Variants in RORA observed in about 807,000 individuals in gnomAD.
RORA encodes nuclear receptor ROR-alpha.
RORA carries 7 observed loss-of-function variants against 69.5 expected under a neutral mutation model. The observed-to-expected ratio is 0.10, with a 90% confidence interval of 0.06 to 0.19. The LOEUF (loss-of-function observed/expected upper bound fraction) is 0.19. Ranked by LOEUF, RORA falls within the 10% of genes least tolerant of loss-of-function variation. RORA has a pLI of 1.00. For missense variants in RORA, 457 were observed against 663.0 expected, an observed-to-expected ratio of 0.69 and a Z score of 3.41; for synonymous variants, 261 against 240.8, an observed-to-expected ratio of 1.08 and a Z score of -0.78.
At chr15:61,013,585 G>C (rs550069492) in intron 1 of RORA, among the ~76,000 whole-genome samples, 1 of 152,176 alleles carries the variant, frequency 6.6e-6, no homozygotes, top group Admixed American at 6.5e-5. Flanking sequence ...CAAACACCTT[G>C]AGCCTGTTAC....
chr15:60,697,387 C>T (rs575417671), intron 1 of RORA, among the ~76,000 whole-genome samples: 16 of 152,264 alleles, frequency 1.1e-4, no homozygotes, highest in Admixed American at 4.6e-4. Flanking sequence ...ACCACACTGC[C>T]GCTCAAGTGA....
intron 1 of RORA, among the ~76,000 whole-genome samples, chr15:61,168,935 A>G (rs1224069932): frequency 6.6e-6 from 1 of 151,812 alleles, no homozygotes; most frequent in African/African-American, 2.4e-5. Flanking sequence ...CCTTGGAGTG[A>G]CCTCTCAATT....
At chr15:61,103,755 G>A (rs1595990554) in intron 1 of RORA, among the ~76,000 whole-genome samples, 2 of 152,140 alleles carry the variant, frequency 1.3e-5, no homozygotes, top group East Asian at 3.9e-4. Context: ...CTTTATGTGT[G>A]GGCAACACCA....
intron 1 of RORA, among the ~76,000 whole-genome samples, chr15:61,102,449 G>A (rs1388265761): frequency 6.6e-6 from 1 of 152,222 alleles, no homozygotes; most frequent in African/African-American, 2.4e-5. Flanking sequence ...AGCCACAGCT[G>A]AGGACCTCTG....
intron 1 of RORA, among the ~76,000 whole-genome samples, chr15:61,049,694 C>T (rs1897210516): frequency 6.6e-6 from 1 of 152,152 alleles, no homozygotes; most frequent in Non-Finnish European, 1.5e-5. Flanking sequence ...GAGTCTCCCT[C>T]TGTCGCCTAG....
intron 2 of RORA, among the ~76,000 whole-genome samples, chr15:60,593,869 G>A (rs1343478702): frequency 1.3e-5 from 2 of 151,854 alleles, no homozygotes; most frequent in Non-Finnish European, 2.9e-5. Flanking sequence ...CCCTGAGTTG[G>A]GCCACAATTT....
At chr15:60,561,370 C>T (rs2067556233) in intron 2 of RORA, among the ~76,000 whole-genome samples, 1 of 151,820 alleles carries the variant, frequency 6.6e-6, no homozygotes, top group African/African-American at 2.4e-5. Flanking sequence ...CGTGAGCCAC[C>T]GCGCCTGGCC....
chr15:60,597,615 T>C (rs1441941614), intron 2 of RORA, among the ~76,000 whole-genome samples: 13 of 47,640 alleles, frequency 2.7e-4, no homozygotes, highest in African/African-American at 1.2e-3. Flanking sequence ...TATATATATA[T>C]ATACATACAT....
chr15:60,598,824 T>C (rs1032868026), intron 2 of RORA, among the ~76,000 whole-genome samples: 1 of 152,222 alleles, frequency 6.6e-6, no homozygotes, highest in Non-Finnish European at 1.5e-5. Context: ...AAGAATTAAA[T>C]TGTCCATTGG....
intron 1 of RORA, among the ~76,000 whole-genome samples, chr15:60,928,863 C>T (rs908337220): frequency 6.6e-6 from 1 of 152,246 alleles, no homozygotes; most frequent in African/African-American, 2.4e-5. Flanking sequence ...AGACAGCATA[C>T]AGGCTGGGGC....
intron 1 of RORA, among the ~76,000 whole-genome samples, chr15:60,786,494 T>G (rs1449503720): frequency 6.6e-6 from 1 of 152,196 alleles, no homozygotes; most frequent in Admixed American, 6.5e-5. Flanking sequence ...CTGGGCCAAG[T>G]TGGGGGCACA....
At chr15:60,815,964 A>ATATACACTATAAATAG (rs1567200668) in intron 1 of RORA, among the ~76,000 whole-genome samples, 30 of 135,302 alleles carry the variant, frequency 2.2e-4, no homozygotes, top group African/African-American at 6.5e-4. Flanking sequence ...TAAATAGTAT[A>ATATACACTATAAATAG]TGTATTTATT....
chr15:60,891,330 T>C (rs2073810940), intron 1 of RORA, among the ~76,000 whole-genome samples: 1 of 152,080 alleles, frequency 6.6e-6, no homozygotes, highest in Non-Finnish European at 1.5e-5. Flanking sequence ...ATGTGTGCAG[T>C]GGGAGAGGGT....
intron 2 of RORA, among the ~76,000 whole-genome samples, chr15:60,591,271 G>A (rs899983562): frequency 1.3e-5 from 2 of 152,232 alleles, no homozygotes; most frequent in Non-Finnish European, 2.9e-5. Flanking sequence ...TATCCACGGC[G>A]AGGAACCTGC....
intron 2 of RORA, among the ~76,000 whole-genome samples, chr15:60,664,817 A>C (rs190129459): frequency 6.6e-6 from 1 of 152,226 alleles, no homozygotes; most frequent in African/African-American, 2.4e-5. Flanking sequence ...CCTCTCATTT[A>C]TGAGCAAGGC....
chr15:61,224,011 A>AT (rs2080123116), intron 1 of RORA, among the ~76,000 whole-genome samples: 3 of 151,838 alleles, frequency 2.0e-5, no homozygotes, highest in Admixed American at 2.0e-4. Context: ...ATATCAAAAA[A>AT]AAAAAAACCA....
chr15:60,558,550 A>G (rs1404144517), intron 2 of RORA: 1 of 415,656 alleles, frequency 2.4e-6, no homozygotes, highest in Non-Finnish European at 4.3e-6. Context: ...TTGAATTTTA[A>G]TAGTAATTTC....
chr15:61,024,153 C>T (rs922165787), intron 1 of RORA, among the ~76,000 whole-genome samples: 4 of 151,864 alleles, frequency 2.6e-5, no homozygotes, highest in African/African-American at 9.7e-5. Context: ...CAAAATCTAC[C>T]CTAAGGACAC....
At chr15:60,804,207 G>A (rs980271335) in intron 1 of RORA, among the ~76,000 whole-genome samples, 1 of 144,130 alleles carries the variant, frequency 6.9e-6, no homozygotes, top group Non-Finnish European at 1.5e-5. Context: ...AGAATTGCTT[G>A]AACCCGGGAG....
Sources: allele counts gnomAD v4.1 joint callset (sites outside exome capture counted in the v4.1 genomes callset), GRCh38; gene constraint gnomAD v4.1.1; transcripts MANE v1.5; gene names NCBI Gene and HGNC (gene_info 2026-07-23, HGNC 2026-07-21).